LARP1: variants seen among roughly 807,000 people sequenced by gnomAD.
The protein encoded by LARP1 is la-related protein 1.
Under a neutral mutation model 122.7 loss-of-function variants are expected in LARP1, and 36 were observed. The ratio of observed to expected loss-of-function variants is 0.29; its 90% CI spans 0.22 to 0.39. The LOEUF is 0.39. LARP1 is among the 10% of genes least tolerant of loss of function. The pLI is 1.00. For missense variants in LARP1, 1,040 were observed against 1,403.6 expected (o/e 0.74, Z 4.14); for synonymous variants, 539 against 528.7 (o/e 1.02, Z -0.27).
intron 1 of LARP1, among the ~76,000 whole-genome samples, chr5:154,703,253 G>A (rs887934461): frequency 1.3e-5 from 2 of 151,664 alleles, no homozygotes; most frequent in African/African-American, 2.4e-5. Context: ...GAACAGCTGC[G>A]CTGGGCGTTA....
At chr5:154,768,785 T>C (rs982236746) in intron 1 of LARP1, among the ~76,000 whole-genome samples, 3 of 152,230 alleles carry the variant, frequency 2.0e-5, no homozygotes, top group African/African-American at 7.2e-5. Flanking sequence ...TTTCACTATG[T>C]TGGCCAGGCT....
chr5:154,794,621 A>G (rs531150168), intron 7 of LARP1, among the ~76,000 whole-genome samples: 21 of 152,322 alleles, frequency 1.4e-4, no homozygotes, highest in Middle Eastern at 3.4e-3. Flanking sequence ...TAGAGGCATT[A>G]TCTTAGTCCT....
At chr5:154,742,743 A>G (rs1351168457) in intron 1 of LARP1, among the ~76,000 whole-genome samples, 1 of 151,236 alleles carries the variant, frequency 6.6e-6, no homozygotes, top group Non-Finnish European at 1.5e-5. Flanking sequence ...AAAAAAAAAA[A>G]AGAAAAAAGA....
chr5:154,726,318 A>G (rs1756214135), intron 1 of LARP1, among the ~76,000 whole-genome samples: 1 of 152,246 alleles, frequency 6.6e-6, no homozygotes. Context: ...GAAGGAAGAT[A>G]ATACCATCCA....
chr5:154,734,957 A>T (rs1323932601), intron 1 of LARP1, among the ~76,000 whole-genome samples: 2 of 152,190 alleles, frequency 1.3e-5, no homozygotes, highest in African/African-American at 4.8e-5. Flanking sequence ...TTCATTTAGC[A>T]TAATGTCTTC....
In LARP1 at chr5:154,694,421, A is replaced by AT. The variant is rs3060307; in HGVS notation, c.-180+11397dup. Among the ~76,000 whole-genome samples, 100 of 149,120 alleles carry AT rather than the reference A, an allele frequency of 6.7e-4. No homozygotes were observed. In the East Asian group the frequency reaches 8.3e-3, roughly 12 times the overall value. On this transcript the variant is annotated intron_variant, in intron 1 of 18. Transcript: ENST00000687700. ...TAGGTGCAAGACATCATACCTGGCC[A>AT]TTTTTTTTTTTTTATTTTAGTAGAG...
At chr5:154,724,034 A>G (rs752703691) in intron 1 of LARP1, among the ~76,000 whole-genome samples, 20 of 152,204 alleles carry the variant, frequency 1.3e-4, no homozygotes, top group Non-Finnish European at 2.5e-4. Context: ...TGTAGTGAGT[A>G]TTTTGAATCC....
chr5:154,814,422 A>G lies in LARP1; in HGVS notation c.*326A>G, dbSNP rs1759530972. ...AAATTATTGATAGTTCATCTGGATT[A>G]CCAAAATCACTCTGCAGCCCTGCCC... On this transcript the variant is annotated 3_prime_UTR_variant, in exon 19 of 19. Transcript: ENST00000518297. 6.5e-6 allele frequency: 1 copy of G among 153,484 alleles called. No individual in the cohort carries two copies. Among genetic ancestry groups the G allele is most frequent in the Non-Finnish European group, 1.5e-5 (1 of 68,864 alleles). The allele number at this position is 153,484 out of a possible 1,614,324, so 9.5% of individuals were successfully genotyped here.
chr5:154,764,869 C>T (rs2113620659), intron 1 of LARP1, among the ~76,000 whole-genome samples: 1 of 149,796 alleles, frequency 6.7e-6, no homozygotes, highest in South Asian at 2.1e-4. Context: ...CATGCCACTG[C>T]TCTCCAGCCT....
At chr5:154,709,799 T>C (rs1264290461), upstream of LARP1, among the ~76,000 whole-genome samples, 2 of 152,006 alleles carry the variant, frequency 1.3e-5, no homozygotes, top group Admixed American at 1.3e-4. Context: ...TGCAGCTTAA[T>C]TGTCACTTGC....
At chr5:154,740,345 A>T (rs1757163248) in intron 1 of LARP1, among the ~76,000 whole-genome samples, 1 of 151,156 alleles carries the variant, frequency 6.6e-6, no homozygotes, top group Non-Finnish European at 1.5e-5. Flanking sequence ...ATGAGCCGAA[A>T]TCGTGCCATT....
intron 10 of LARP1, among the ~76,000 whole-genome samples, chr5:154,801,215 G>A (rs952088280): frequency 3.9e-5 from 6 of 152,172 alleles, no homozygotes; most frequent in African/African-American, 1.2e-4. Flanking sequence ...TGAAGGCACC[G>A]TGTTTTCTCT....
intron 1 of LARP1, among the ~76,000 whole-genome samples, chr5:154,725,343 C>T (rs961840239): frequency 8.1e-5 from 12 of 147,794 alleles, no homozygotes; most frequent in African/African-American, 2.5e-4. Context: ...AAGCTGAAAT[C>T]GTGCCCCTGT....
chr5:154,797,696 T>TTA lies in LARP1; in HGVS notation c.1378-1895_1378-1894insTA, dbSNP rs1362597381. On this transcript the variant is annotated intron_variant, in intron 8 of 18. Coordinates refer to ENST00000518297, the MANE Select transcript of LARP1 (RefSeq NM_033551.3). ...GTCTACCGTCTTTTTTTTTTTTTTT[T>TTA]AAACATTTTTTAAAGAGAGAGGGTC... Among the ~76,000 whole-genome samples the TTA allele has an allele frequency of 7.5e-3, 1,133 of 151,008 alleles. 7 individuals are homozygous for TTA. Among genetic ancestry groups the TTA allele is most frequent in the Non-Finnish European group, 9.5e-3 (645 of 67,818 alleles).
chr5:154,737,201 G>A (rs940534547), intron 1 of LARP1, among the ~76,000 whole-genome samples: 1 of 150,990 alleles, frequency 6.6e-6, no homozygotes, highest in African/African-American at 2.4e-5. Context: ...CCACCACACC[G>A]TGCTAATTTT....
intron 1 of LARP1, among the ~76,000 whole-genome samples, chr5:154,736,343 C>T (rs1488651447): frequency 6.6e-6 from 1 of 151,096 alleles, no homozygotes; most frequent in Non-Finnish European, 1.5e-5. Flanking sequence ...TAATCCACCT[C>T]CCTCAGCCTC....
rs371609204 is a variant in LARP1 at position 154,803,461 on chromosome 5, G to A, written c.2233+48G>A. The A allele has an allele frequency of 1.9e-6, 3 of 1,614,028 alleles. No homozygotes were observed. The highest frequency in any genetic ancestry group is 2.2e-5 in the South Asian group (2 of 91,070). On this transcript the variant is annotated intron_variant, in intron 12 of 18. Coordinates refer to ENST00000518297, the MANE Select transcript of LARP1 (RefSeq NM_033551.3). The surrounding 1 kb of genome is among the most constrained non-coding windows in gnomAD (Gnocchi z 4.4). Reference sequence around the variant, plus strand: ...CCTGACATGGGTGAGAGGATCTAGGGCCCTTGGACTGGGGGCTATCCTGGG... The same window carrying A: ...CCTGACATGGGTGAGAGGATCTAGGACCCTTGGACTGGGGGCTATCCTGGG...
At chr5:154,719,613 G>A (rs1335531068) in intron 1 of LARP1, among the ~76,000 whole-genome samples, 2 of 152,194 alleles carry the variant, frequency 1.3e-5, no homozygotes, top group East Asian at 3.8e-4. Flanking sequence ...TGTAACTCCA[G>A]CACTTTGGGA....
At chr5:154,738,986 A>G (rs1433145810) in intron 1 of LARP1, among the ~76,000 whole-genome samples, 1 of 152,094 alleles carries the variant, frequency 6.6e-6, no homozygotes, top group Non-Finnish European at 1.5e-5. Context: ...ATTGAGCTAA[A>G]TTTACAACAA....
Sources: gnomAD v4.1 joint callset for allele counts (sites outside exome capture counted in the v4.1 genomes callset) on GRCh38, gnomAD v4.1.1 for gene constraint, Gnocchi (gnomAD v3.1) non-coding constraint, MANE v1.5 for transcripts, NCBI Gene and HGNC (gene_info 2026-07-23, HGNC 2026-07-21) for gene names.